DEPTOR: variants seen among roughly 807,000 people sequenced by gnomAD.
DEPTOR encodes DEP domain containing MTOR interacting protein, also known as DEP domain-containing mTOR-interacting protein.
DEPTOR carries 41 observed loss-of-function variants against 41.6 expected under a neutral mutation model. The ratio of observed to expected loss-of-function variants is 0.98; its 90% CI spans 0.77 to 1.28. The LOEUF (loss-of-function observed/expected upper bound fraction) is 1.28, where lower values mean the gene tolerates loss of function less well. Among genes scored for constraint, DEPTOR ranks in the 50% most tolerant of loss-of-function variants. The pLI, the probability that DEPTOR is intolerant of heterozygous loss-of-function variation, is 0.00. For synonymous variants in DEPTOR, 195 were observed against 192.3 expected (o/e 1.01, Z -0.12); for missense variants, 514 against 527.9 (o/e 0.97, Z 0.26).
chr8:119,984,479 T>C (rs903778748), intron 4 of DEPTOR, among the ~76,000 whole-genome samples: 1 of 152,106 alleles, frequency 6.6e-6, no homozygotes, highest in Non-Finnish European at 1.5e-5. Context: ...CCATGTGTTC[T>C]CGTTGTTCAG....
chr8:119,878,632 TCA>T (rs1055435049), intron 1 of DEPTOR, among the ~76,000 whole-genome samples: 1 of 151,884 alleles, frequency 6.6e-6, no homozygotes, highest in African/African-American at 2.4e-5. Context: ...CGGCCAATCC[TCA>T]CACTTTTTAA....
intron 8 of DEPTOR, among the ~76,000 whole-genome samples, chr8:120,032,009 C>T (rs376157567): frequency 3.3e-5 from 5 of 152,202 alleles, no homozygotes; most frequent in Non-Finnish European, 4.4e-5. Flanking sequence ...ACACAGAGTG[C>T]GGGAGAGTGA....
intron 4 of DEPTOR, among the ~76,000 whole-genome samples, chr8:119,978,765 C>G (rs1309863272): frequency 6.6e-6 from 1 of 152,178 alleles, no homozygotes; most frequent in Non-Finnish European, 1.5e-5. Context: ...TGCTGCACTG[C>G]TGTCACTCAT....
chr8:119,984,638 T>C (rs1828807604), intron 4 of DEPTOR, among the ~76,000 whole-genome samples: 1 of 152,222 alleles, frequency 6.6e-6, no homozygotes, highest in Admixed American at 6.5e-5. Flanking sequence ...ATGGTGTATA[T>C]GTGCCACATT....
At chr8:119,998,624 A>G (rs931903095) in intron 4 of DEPTOR, among the ~76,000 whole-genome samples, 1 of 152,196 alleles carries the variant, frequency 6.6e-6, no homozygotes, top group Admixed American at 6.5e-5. Flanking sequence ...TACAACCTGC[A>G]CTATAGCTCC....
At chr8:119,874,091 G>C in intron 1 of DEPTOR, 123 bp downstream of exon 1, 1 of 1,522,704 alleles carries the variant, frequency 6.6e-7, no homozygotes, top group Non-Finnish European at 8.9e-7. Context: ...CGGAACGGCT[G>C]CGGGCGCGTG....
chr8:119,930,751 TC>T (rs1021780350), intron 3 of DEPTOR, among the ~76,000 whole-genome samples: 1 of 152,066 alleles, frequency 6.6e-6, no homozygotes, highest in Non-Finnish European at 1.5e-5. Flanking sequence ...GGGTCTCGAA[TC>T]TTCTGAGTGG....
At chr8:119,911,422 G>A (rs919250383) in intron 1 of DEPTOR, among the ~76,000 whole-genome samples, 10 of 148,172 alleles carry the variant, frequency 6.7e-5, no homozygotes, top group African/African-American at 1.8e-4. Flanking sequence ...GGGTTCAAGC[G>A]ATTCTCCTGC....
At chr8:119,897,746 C>A (rs562952967) in intron 1 of DEPTOR, among the ~76,000 whole-genome samples, 2 of 152,132 alleles carry the variant, frequency 1.3e-5, no homozygotes, top group East Asian at 3.9e-4. Flanking sequence ...CTGCTTGCCT[C>A]GGCCTCCCAA....
At chr8:119,965,766 T>A (rs143347334) in intron 4 of DEPTOR, among the ~76,000 whole-genome samples, 136 of 152,302 alleles carry the variant, frequency 8.9e-4, no homozygotes, top group African/African-American at 3.2e-3. Flanking sequence ...TGAAGTCAAG[T>A]ATAATATGGA....
intron 7 of DEPTOR, among the ~76,000 whole-genome samples, chr8:120,007,115 A>C (rs568820883): frequency 1.3e-5 from 2 of 152,364 alleles, no homozygotes; most frequent in Admixed American, 6.5e-5. Flanking sequence ...TGTTAAAGAA[A>C]AGATTTCCAT....
intron 8 of DEPTOR, among the ~76,000 whole-genome samples, chr8:120,021,091 G>GAATAGAATAGAATAGAATAGAATAA (rs1563594661): frequency 1.1e-4 from 2 of 18,796 alleles, no homozygotes; most frequent in African/African-American, 3.5e-4. Flanking sequence ...AATAAAATAG[G>GAATAGAATAGAATAGAATAGAATAA]GCTGATAATA....
At chr8:119,991,030 TTTTCTTTCTTTCTTTCTTTCTTTC>T (rs747315642) in intron 4 of DEPTOR, among the ~76,000 whole-genome samples, 1 of 53,646 alleles carries the variant, frequency 1.9e-5, no homozygotes, top group African/African-American at 6.6e-5. Context: ...TCGGGTTTTC[TTTTCTTTCTTTCTTTCTTTCTTTC>T]TTTCTTTCTT....
chr8:120,020,856 TGA>T (rs1812693202), intron 8 of DEPTOR, among the ~76,000 whole-genome samples: 1 of 151,966 alleles, frequency 6.6e-6, no homozygotes, highest in South Asian at 2.1e-4. Flanking sequence ...GTCAAGAGTT[TGA>T]GACCAGCCTG....
intron 1 of DEPTOR, among the ~76,000 whole-genome samples, chr8:119,916,327 G>T (rs1354502322): frequency 7.0e-6 from 1 of 143,146 alleles, no homozygotes; most frequent in Non-Finnish European, 1.5e-5. Context: ...CACCATATTG[G>T]CCAGGGTGGT....
intron 8 of DEPTOR, among the ~76,000 whole-genome samples, chr8:120,047,516 C>T (rs1301189116): frequency 7.3e-5 from 11 of 151,402 alleles, no homozygotes; most frequent in South Asian, 2.1e-4. Context: ...TACAGGCATC[C>T]GCCACCACGC....
chr8:119,874,932 C>G (rs1827213059), intron 1 of DEPTOR, among the ~76,000 whole-genome samples: 1 of 152,176 alleles, frequency 6.6e-6, no homozygotes, highest in South Asian at 2.1e-4. Context: ...GCCCCTGTTA[C>G]TTCTAGTTCT....
chr8:119,886,502 TATACACACAG>T (rs974155649), intron 1 of DEPTOR, among the ~76,000 whole-genome samples: 4 of 149,190 alleles, frequency 2.7e-5, no homozygotes, highest in African/African-American at 9.9e-5. Flanking sequence ...GACACACACA[TATACACACAG>T]ATACACACAC....
rs149952453 is a variant in DEPTOR, at chr8:119,883,708, G to C, written c.122+9740G>C. The stretch of plus-strand genomic sequence containing the variant: ...TAGATCTGTTTGACTGTGTTTGTTT[G>C]CTTTGATCCTTGTGTCCTCCTATCT... On this transcript the variant is annotated intron_variant, in intron 1 of 8. Coordinates refer to ENST00000286234, the MANE Select transcript of DEPTOR (RefSeq NM_022783.4). 3.8e-3 allele frequency among the ~76,000 whole-genome samples: 582 copies of C among 152,170 alleles called. 6 individuals carry two copies. Among genetic ancestry groups the C allele is most frequent in the Admixed American group, 4.3e-3 (65 of 15,280 alleles).
Sources: allele counts gnomAD v4.1 joint callset (sites outside exome capture counted in the v4.1 genomes callset), GRCh38; gene constraint gnomAD v4.1.1; transcripts MANE v1.5; gene names NCBI Gene and HGNC (gene_info 2026-07-23, HGNC 2026-07-21).